The following PDE4B variants were observed in gnomAD, a reference collection of about 807,000 sequenced individuals.
PDE4B encodes the protein phosphodiesterase 4B.
A neutral mutation model predicts 82.2 loss-of-function variants in PDE4B; 20 were observed. The observed-to-expected ratio is 0.24, with a 90% CI of 0.17 to 0.35. The LOEUF is 0.35. PDE4B is among the 10% of genes least tolerant of loss of function. PDE4B has a pLI of 1.00. For missense variants in PDE4B, 655 were observed against 907.2 expected (o/e 0.72, Z 3.57); for synonymous variants, 320 against 318.9 (o/e 1.00, Z -0.04).
At chr1:66,064,523 T>G (rs532004998) in intron 3 of PDE4B, among the ~76,000 whole-genome samples, 1 of 152,128 alleles carries the variant, frequency 6.6e-6, no homozygotes, top group East Asian at 1.9e-4. Flanking sequence ...GTCTCTCTTT[T>G]GCCCTCCAAT....
intron 3 of PDE4B, among the ~76,000 whole-genome samples, chr1:66,022,349 T>A (rs1254871103): frequency 6.6e-6 from 1 of 152,200 alleles, no homozygotes; most frequent in Non-Finnish European, 1.5e-5. Context: ...CACTGTTGAA[T>A]AGGAGTGGTG....
intron 3 of PDE4B, among the ~76,000 whole-genome samples, chr1:66,003,352 A>T (rs572234492): frequency 7.3e-5 from 11 of 150,982 alleles, no homozygotes; most frequent in South Asian, 4.2e-4. Flanking sequence ...ATACATTTAA[A>T]AAAAAAAAAC....
rs994031220 is a variant in PDE4B at position 66,172,079 on chromosome 1, T to A, written c.282-75381T>A. 2.0e-5 allele frequency among the ~76,000 whole-genome samples: 3 copies of A among 152,170 alleles called. No individual in the cohort carries two copies. The East Asian group carries it at 5.8e-4, about 29-fold the overall frequency. On this transcript the variant is annotated intron_variant, in intron 3 of 16. Transcript: ENST00000341517. ...TGCAGGTAATGAGTATAGTACCTAA[T>A]GGGTTGTTTTCCAGCTCTACCCTTA... is the stretch of plus-strand genomic sequence containing the variant.
chr1:66,131,782 A>G (rs1165207098), intron 3 of PDE4B, among the ~76,000 whole-genome samples: 1 of 151,716 alleles, frequency 6.6e-6, no homozygotes, highest in African/African-American at 2.4e-5. Context: ...AATGAGAAAC[A>G]TGGTCCCTGT....
Position 65,947,554 on chromosome 1 carries a change from G to A in PDE4B, c.281+28719G>A, listed in dbSNP as rs371279004. ...TGAATGTGACCTTGTTTAGAAATAGGGTGGATGCAGATATTATTAGTTAAG... is the reference window on the plus strand; with the variant it reads ...TGAATGTGACCTTGTTTAGAAATAGAGTGGATGCAGATATTATTAGTTAAG... On this transcript the variant is annotated intron_variant, in intron 3 of 16. Transcript: ENST00000341517. Among the ~76,000 whole-genome samples, 9 of 152,056 alleles carry A rather than the reference G, an allele frequency of 5.9e-5. 1 individual carries two copies. The East Asian group carries it at 1.4e-3, about 23-fold the overall frequency.
chr1:65,871,367 A>G (rs191198154), intron 1 of PDE4B, among the ~76,000 whole-genome samples: 4 of 152,296 alleles, frequency 2.6e-5, no homozygotes, highest in Admixed American at 2.6e-4. Flanking sequence ...CTAGTCTGTT[A>G]GTTTAACTGT....
intron 3 of PDE4B, among the ~76,000 whole-genome samples, chr1:65,991,569 C>T (rs1484420000): frequency 1.3e-5 from 2 of 152,060 alleles, no homozygotes; most frequent in East Asian, 1.9e-4. Context: ...CAATCATTGC[C>T]GGTATAGACT....
In PDE4B at chr1:66,372,782, C is replaced by A; in HGVS notation, c.*104C>A. ...GGCCAAGACCTGCACAGGACAAGGG[C>A]CACCTGGCCTTTCAGTTACTTGAGT... On this transcript the variant is annotated 3_prime_UTR_variant, in exon 17 of 17. Coordinates refer to ENST00000341517, the MANE Select transcript of PDE4B (RefSeq NM_002600.4). 1 of 1,175,462 alleles carries A rather than the reference C, an allele frequency of 8.5e-7. No individual in the cohort carries two copies. Among genetic ancestry groups the A allele is most frequent in the Non-Finnish European group, 1.2e-6 (1 of 834,978 alleles). The allele number at this position is 1,175,462 out of a possible 1,614,324, so 72.8% of individuals were successfully genotyped here.
intron 3 of PDE4B, chr1:65,993,071 A>G: frequency 6.2e-7 from 1 of 1,613,984 alleles, no homozygotes; most frequent in Non-Finnish European, 8.5e-7. Flanking sequence ...GGAACTCACC[A>G]TGCTTTTTCA....
At chr1:66,138,211 T>A (rs958846851) in intron 3 of PDE4B, among the ~76,000 whole-genome samples, 1 of 152,134 alleles carries the variant, frequency 6.6e-6, no homozygotes, top group Non-Finnish European at 1.5e-5. Flanking sequence ...AAAAGCCAGA[T>A]GATATAACAC....
chr1:66,087,880 A>AG (rs1233600615), intron 3 of PDE4B, among the ~76,000 whole-genome samples: 1 of 51,594 alleles, frequency 1.9e-5, no homozygotes, highest in Non-Finnish European at 3.5e-5. Flanking sequence ...GGGTGGGGGG[A>AG]GGGGGGAGGG....
chr1:66,137,235 A>G (rs1164173023), intron 3 of PDE4B, among the ~76,000 whole-genome samples: 1 of 152,106 alleles, frequency 6.6e-6, no homozygotes, highest in East Asian at 1.9e-4. Flanking sequence ...AAAGCTGATT[A>G]TTTCTCTTTT....
intron 7 of PDE4B, among the ~76,000 whole-genome samples, chr1:66,310,714 C>T (rs746961106): frequency 6.6e-6 from 1 of 152,154 alleles, no homozygotes; most frequent in Non-Finnish European, 1.5e-5. Flanking sequence ...TGTACAGCTA[C>T]GTGCTAATGC....
chr1:65,966,631 T>C (rs1271102100), intron 3 of PDE4B, among the ~76,000 whole-genome samples: 1 of 152,198 alleles, frequency 6.6e-6, no homozygotes, highest in African/African-American at 2.4e-5. Context: ...GGCATCACGC[T>C]ACCTGACTTC....
chr1:65,982,739 T>C (rs1026129087), intron 3 of PDE4B, among the ~76,000 whole-genome samples: 2 of 151,958 alleles, frequency 1.3e-5, no homozygotes, highest in African/African-American at 4.8e-5. Flanking sequence ...TGAAGGAAAA[T>C]GGTCAGACTT....
chr1:66,187,107 T>C (rs1449591617), intron 3 of PDE4B, among the ~76,000 whole-genome samples: 14 of 152,242 alleles, frequency 9.2e-5, no homozygotes, highest in African/African-American at 3.1e-4. Context: ...GTTTTGGTCG[T>C]TGGTTCTGTT....
At chr1:66,295,460 G>A (rs145026823) in intron 7 of PDE4B, among the ~76,000 whole-genome samples, 20 of 151,514 alleles carry the variant, frequency 1.3e-4, no homozygotes, top group Middle Eastern at 3.4e-3. Flanking sequence ...GTTTTCTGAC[G>A]GAGTCTCACT....
chr1:66,310,537 C>A (rs540357434), intron 7 of PDE4B, among the ~76,000 whole-genome samples: 1 of 151,738 alleles, frequency 6.6e-6, no homozygotes, highest in Non-Finnish European at 1.5e-5. Flanking sequence ...TTCTAGGATA[C>A]CCTCTTCTCA....
At chr1:66,336,436 A>T (rs999522403) in intron 8 of PDE4B, among the ~76,000 whole-genome samples, 3 of 152,204 alleles carry the variant, frequency 2.0e-5, no homozygotes, top group Non-Finnish European at 2.9e-5. Flanking sequence ...CCAGAATGCT[A>T]AATGTTTTTC....
Sources: allele counts gnomAD v4.1 joint callset (sites outside exome capture counted in the v4.1 genomes callset), GRCh38; gene constraint gnomAD v4.1.1; transcripts MANE v1.5; gene names NCBI Gene and HGNC (gene_info 2026-07-23, HGNC 2026-07-21).